The following NELL2 variants were observed in gnomAD, a reference collection of about 807,000 sequenced individuals.
The protein encoded by NELL2 is neural EGFL like 2.
Under a neutral mutation model 109.6 loss-of-function variants are expected in NELL2, and 41 were observed. That is an observed-to-expected ratio of 0.37 (90% CI 0.29 to 0.49). The LOEUF is 0.49. NELL2 is among the 20% of genes least tolerant of loss of function. NELL2 has a pLI of 0.98. For synonymous variants in NELL2, 355 were observed against 344.7 expected (o/e 1.03, Z -0.33); for missense variants, 900 against 1,008.3 (o/e 0.89, Z 1.45).
intron 13 of NELL2, among the ~76,000 whole-genome samples, chr12:44,641,108 A>G (rs1055045059): frequency 4.6e-5 from 7 of 152,210 alleles, no homozygotes; most frequent in Non-Finnish European, 7.3e-5. Context: ...GAAAGAAGAA[A>G]GAAAGAAAAC....
chr12:44,522,179 G>A lies in NELL2; in HGVS notation c.1999-3C>T. The A allele has an allele frequency of 1.9e-6, 3 of 1,610,182 alleles. No homozygotes were observed. Among genetic ancestry groups the A allele is most frequent in the Non-Finnish European group, 2.5e-6 (3 of 1,178,442 alleles). On this transcript the variant is annotated splice_polypyrimidine_tract_variant and splice_region_variant and intron_variant, in intron 17 of 19. Coordinates refer to ENST00000429094, the MANE Select transcript of NELL2 (RefSeq NM_001145108.2). ...CGTCGACACATAACGAATCCATTCT[G>A]TATGAAAAAGAAAAAAAGCAGTTAC...
chr12:44,724,833 A>G (rs1371614085), intron 9 of NELL2, among the ~76,000 whole-genome samples: 1 of 151,058 alleles, frequency 6.6e-6, no homozygotes, highest in South Asian at 2.1e-4. Context: ...AAAAAAAAAA[A>G]GGCTAGAGGC....
chr12:44,850,824 T>C (rs945831006), intron 2 of NELL2, among the ~76,000 whole-genome samples: 1 of 152,286 alleles, frequency 6.6e-6, no homozygotes, highest in South Asian at 2.1e-4. Flanking sequence ...AGGGACTGCA[T>C]AAACCCTTGG....
intron 16 of NELL2, among the ~76,000 whole-genome samples, chr12:44,528,895 G>C (rs1941919705): frequency 6.6e-6 from 1 of 152,198 alleles, no homozygotes; most frequent in Non-Finnish European, 1.5e-5. Context: ...TCCACATAAA[G>C]TGACAGTACA....
intron 12 of NELL2, among the ~76,000 whole-genome samples, chr12:44,688,446 T>C (rs7955981): frequency 0.059 from 8,970 of 152,308 alleles, 390 homozygotes; most frequent in Non-Finnish European, 0.091. Flanking sequence ...TACTGACTTA[T>C]TTTTCTGGAA....
Position 44,523,297 on chromosome 12 carries a change from T to G in NELL2, c.1992A>C (p.Ser664=), listed in dbSNP as rs757059383. The change falls in exon 17 of 20, where the codon TCA becomes TCC. Residue 664 remains serine (S), a synonymous_variant. Coordinates refer to ENST00000429094, the MANE Select transcript of NELL2 (RefSeq NM_001145108.2). The part of the protein sequence containing the change: ...VLENDRCSVC[S]CQNGFVMCRR... ...GTTTTTCATTTATACCAACCTGACA[T>G]GAGCACACAGAGCACCTGTCATTTT... The G allele has an allele frequency of 6.2e-7, 1 of 1,614,138 alleles. No homozygotes were observed. Among genetic ancestry groups the G allele is most frequent in the South Asian group, 1.1e-5 (1 of 91,088 alleles).
chr12:44,815,744 G>A (rs76351592), intron 3 of NELL2, among the ~76,000 whole-genome samples: 4 of 151,256 alleles, frequency 2.6e-5, no homozygotes, highest in South Asian at 2.1e-4. Flanking sequence ...TCAGCCACTC[G>A]AGTAGCTGGG....
chr12:44,653,348 GT>G (rs1357487199), intron 13 of NELL2, among the ~76,000 whole-genome samples: 1 of 152,116 alleles, frequency 6.6e-6, no homozygotes, highest in Non-Finnish European at 1.5e-5. Flanking sequence ...CTAGTGGATA[GT>G]AGAAGAAGAA....
chr12:44,848,503 A>G (rs147275105), intron 2 of NELL2, among the ~76,000 whole-genome samples: 3 of 152,108 alleles, frequency 2.0e-5, no homozygotes, highest in African/African-American at 7.2e-5. Context: ...CAACCCCCAG[A>G]GCAACACACA....
At chr12:44,726,878 A>C (rs1939109674) in intron 9 of NELL2, among the ~76,000 whole-genome samples, 1 of 152,104 alleles carries the variant, frequency 6.6e-6, no homozygotes, top group Non-Finnish European at 1.5e-5. Context: ...TACAATTATT[A>C]TATAAATACA....
chr12:44,793,334 TATTC>T (rs1316055223), intron 3 of NELL2, among the ~76,000 whole-genome samples: 25 of 152,332 alleles, frequency 1.6e-4, no homozygotes, highest in Non-Finnish European at 3.1e-4. Context: ...TAACAACAAG[TATTC>T]ATTATTTAAT....
intron 12 of NELL2, among the ~76,000 whole-genome samples, chr12:44,680,782 CT>C: frequency 6.6e-6 from 1 of 152,130 alleles, no homozygotes; most frequent in Non-Finnish European, 1.5e-5. Context: ...ATTCATTTAA[CT>C]TGTACTTACC....
intron 1 of NELL2, 72 bp downstream of exon 1, chr12:44,875,743 T>TC (rs1945299918): frequency 1.2e-6 from 2 of 1,610,196 alleles, no homozygotes; most frequent in African/African-American, 2.7e-5. Flanking sequence ...AAGCGAGGCT[T>TC]CCCCAGCCAG....
chr12:44,873,005 G>A (rs992788792), intron 2 of NELL2, among the ~76,000 whole-genome samples: 6 of 152,134 alleles, frequency 3.9e-5, no homozygotes, highest in Non-Finnish European at 5.9e-5. Flanking sequence ...AAGGTAATGC[G>A]AAATTCCATG....
At chr12:44,778,336 T>C (rs1406746944) in intron 5 of NELL2, among the ~76,000 whole-genome samples, 1 of 152,200 alleles carries the variant, frequency 6.6e-6, no homozygotes, top group Non-Finnish European at 1.5e-5. Context: ...TGGGTATTAC[T>C]GGATCCAGTG....
intron 15 of NELL2, among the ~76,000 whole-genome samples, chr12:44,591,890 CTAT>C (rs1944765641): frequency 6.6e-6 from 1 of 152,108 alleles, no homozygotes; most frequent in African/African-American, 2.4e-5. Context: ...ATATGTACTA[CTAT>C]TATGTGCCAC....
chr12:44,682,201 C>T (rs1948535719), intron 12 of NELL2, among the ~76,000 whole-genome samples: 1 of 150,278 alleles, frequency 6.7e-6, no homozygotes, highest in Non-Finnish European at 1.5e-5. Context: ...TGTTTTTTGG[C>T]TGCATAAATG....
intron 11 of NELL2, among the ~76,000 whole-genome samples, chr12:44,706,633 A>G (rs1937895404): frequency 6.6e-6 from 1 of 152,184 alleles, no homozygotes; most frequent in East Asian, 1.9e-4. Flanking sequence ...TGAGGTTCCA[A>G]TGAAATTATC....
intron 1 of NELL2, among the ~76,000 whole-genome samples, chr12:44,904,667 A>G (rs1462716625): frequency 6.6e-6 from 1 of 152,158 alleles, no homozygotes; most frequent in Non-Finnish European, 1.5e-5. Flanking sequence ...ATTGTTTGTT[A>G]TAGCAGTTAG....
Sources: allele counts gnomAD v4.1 joint callset (sites outside exome capture counted in the v4.1 genomes callset), GRCh38; gene constraint gnomAD v4.1.1; transcripts MANE v1.5; gene names NCBI Gene and HGNC (gene_info 2026-07-23, HGNC 2026-07-21).